Variants in CDH13 observed in about 807,000 individuals in gnomAD.
CDH13 encodes cadherin 13, also known as cadherin-13.
In CDH13, 24 loss-of-function variants were observed where a neutral mutation model predicts 63.8. The ratio of observed to expected loss-of-function variants is 0.38; its 90% CI spans 0.27 to 0.53. The LOEUF is 0.53. Among genes scored for constraint, CDH13 ranks in the 20% least tolerant of loss-of-function variants. The probability of loss-of-function intolerance (pLI) is 0.85; values close to 1 mark genes in which losing one functional copy is unlikely to be tolerated. For synonymous variants in CDH13, 503 were observed against 355.3 expected, an observed-to-expected ratio of 1.42 and a Z score of -4.67; for missense variants, 1,049 against 903.1, an observed-to-expected ratio of 1.16 and a Z score of -2.07.
chr16:82,951,755 CCCTGGGGATTTTGATGAATATT>C (rs745705298), intron 2 of CDH13, among the ~76,000 whole-genome samples: 5 of 152,158 alleles, frequency 3.3e-5, no homozygotes, highest in Non-Finnish European at 7.3e-5. Context: ...AACTGTCTCC[CCCTGGGGATTTTGATGAATATT>C]CAAGGACATA....
At chr16:83,114,388 T>A (rs1322109492) in intron 3 of CDH13, among the ~76,000 whole-genome samples, 2 of 152,154 alleles carry the variant, frequency 1.3e-5, no homozygotes, top group East Asian at 3.9e-4. Flanking sequence ...TGCACCCATT[T>A]CTCCCGTATG....
At chr16:83,272,740 G>C (rs2088863509) in intron 5 of CDH13, among the ~76,000 whole-genome samples, 1 of 152,112 alleles carries the variant, frequency 6.6e-6, no homozygotes, top group Non-Finnish European at 1.5e-5. Context: ...ACACACTTCA[G>C]TAGCTTTCCT....
intron 5 of CDH13, among the ~76,000 whole-genome samples, chr16:83,340,252 T>G (rs145198675): frequency 6.6e-6 from 1 of 152,034 alleles, no homozygotes; most frequent in African/African-American, 2.4e-5. Context: ...ATGTGTATAT[T>G]TGTATGTGTG....
intron 1 of CDH13, among the ~76,000 whole-genome samples, chr16:82,801,012 G>C (rs910364541): frequency 6.6e-5 from 10 of 152,298 alleles, no homozygotes; most frequent in African/African-American, 2.4e-4. Flanking sequence ...TTAAGTTCTT[G>C]TCTGTGACCC....
At chr16:83,776,065 C>A (rs1014108948) in intron 11 of CDH13, among the ~76,000 whole-genome samples, 3 of 152,136 alleles carry the variant, frequency 2.0e-5, no homozygotes, top group Non-Finnish European at 4.4e-5. Flanking sequence ...TTTTGTGAAT[C>A]TTGTCTTTAA....
At chr16:82,883,196 T>C (rs1160247943) in intron 2 of CDH13, among the ~76,000 whole-genome samples, 2 of 152,130 alleles carry the variant, frequency 1.3e-5, no homozygotes, top group African/African-American at 2.4e-5. Context: ...TTGTGGAAAA[T>C]ATGACCTACT....
chr16:83,178,036 G>GA (rs1033022287), intron 4 of CDH13, among the ~76,000 whole-genome samples: 1 of 152,030 alleles, frequency 6.6e-6, no homozygotes, highest in Non-Finnish European at 1.5e-5. Flanking sequence ...CCCTAGCATA[G>GA]AAAAAAATAG....
At chr16:83,560,890 A>T (rs965158144) in intron 7 of CDH13, among the ~76,000 whole-genome samples, 1 of 128,496 alleles carries the variant, frequency 7.8e-6, no homozygotes, top group Non-Finnish European at 1.7e-5. Context: ...CAAGTGTACC[A>T]TAAGGTTGGC....
At chr16:83,646,714 C>CAG (rs1911849862) in intron 8 of CDH13, among the ~76,000 whole-genome samples, 1 of 54,458 alleles carries the variant, frequency 1.8e-5, no homozygotes, top group Non-Finnish European at 4.8e-5. Flanking sequence ...AAAAAAAAAA[C>CAG]ACACACACAC....
At chr16:83,252,446 A>G (rs933156578) in intron 5 of CDH13, among the ~76,000 whole-genome samples, 7 of 152,108 alleles carry the variant, frequency 4.6e-5, no homozygotes, top group Admixed American at 3.3e-4. Context: ...TGGTGACCTT[A>G]AAACCATTAT....
intron 1 of CDH13, among the ~76,000 whole-genome samples, chr16:82,636,886 T>C (rs1166778725): frequency 6.6e-6 from 1 of 152,218 alleles, no homozygotes; most frequent in African/African-American, 2.4e-5. Flanking sequence ...CAAGGGGCTC[T>C]TGCTACCTGA....
chr16:83,493,750 T>C (rs967328132), intron 7 of CDH13, among the ~76,000 whole-genome samples: 1 of 152,226 alleles, frequency 6.6e-6, no homozygotes, highest in Non-Finnish European at 1.5e-5. Context: ...GAAACCACCA[T>C]TATTTAAACA....
At chr16:83,511,088 A>G (rs1046305244) in intron 7 of CDH13, among the ~76,000 whole-genome samples, 5 of 35,248 alleles carry the variant, frequency 1.4e-4, no homozygotes, top group African/African-American at 1.1e-3. Context: ...ACGCATGCAC[A>G]CACACATGCA....
chr16:82,647,044 G>A (rs1424516465), intron 1 of CDH13, among the ~76,000 whole-genome samples: 1 of 152,158 alleles, frequency 6.6e-6, no homozygotes, highest in Non-Finnish European at 1.5e-5. Context: ...AGTACACCAT[G>A]ACAGTTAAGA....
intron 5 of CDH13, among the ~76,000 whole-genome samples, chr16:83,334,178 C>T (rs1434420088): frequency 6.6e-6 from 1 of 152,082 alleles, no homozygotes; most frequent in Non-Finnish European, 1.5e-5. Context: ...TTCTTCCTCC[C>T]TCTTAACGAC....
intron 7 of CDH13, among the ~76,000 whole-genome samples, chr16:83,584,009 C>G (rs1384478830): frequency 6.6e-6 from 1 of 151,892 alleles, no homozygotes; most frequent in Admixed American, 6.6e-5. Flanking sequence ...TTCACTATGC[C>G]ATAAGTGAGC....
intron 2 of CDH13, among the ~76,000 whole-genome samples, chr16:82,907,865 T>G (rs1269828552): frequency 6.6e-6 from 1 of 152,172 alleles, no homozygotes; most frequent in African/African-American, 2.4e-5. Context: ...AAAGTAGAGA[T>G]AGTATGTCTT....
rs566042102 is a variant in CDH13, at chr16:83,319,879, G to A, written c.637-24983G>A. Among the ~76,000 whole-genome samples, 23 of 152,276 alleles carry A rather than the reference G, an allele frequency of 1.5e-4. No individual in the cohort carries two copies. The South Asian group carries it at 2.1e-3, about 14-fold the overall frequency. ...CACTGTTTCAGTTCTTCACCTGCTC[G>A]TTCAAAATTTTCAAAAGCCCAACGT... On this transcript the variant is annotated intron_variant, in intron 5 of 13. Transcript: ENST00000567109.
intron 1 of CDH13, among the ~76,000 whole-genome samples, chr16:82,767,255 GA>G (rs1366065547): frequency 6.6e-6 from 1 of 152,168 alleles, no homozygotes; most frequent in African/African-American, 2.4e-5. Flanking sequence ...CCAAAATGCA[GA>G]ATTACTGCAG....
Sources: allele counts gnomAD v4.1 joint callset (sites outside exome capture counted in the v4.1 genomes callset), GRCh38; gene constraint gnomAD v4.1.1; transcripts MANE v1.5; gene names NCBI Gene and HGNC (gene_info 2026-07-23, HGNC 2026-07-21).